SLC39A10: variants seen among roughly 807,000 people sequenced by gnomAD.
SLC39A10 encodes solute carrier family 39 member 10.
A neutral mutation model predicts 65.1 loss-of-function variants in SLC39A10; 13 were observed. That is an observed-to-expected ratio of 0.20 (90% CI 0.13 to 0.32). The LOEUF is 0.32. SLC39A10 is among the 10% of genes least tolerant of loss of function. The pLI, the probability that SLC39A10 is intolerant of heterozygous loss-of-function variation, is 1.00. For missense variants in SLC39A10, 831 were observed against 1,018.4 expected (o/e 0.82, Z 2.50); for synonymous variants, 321 against 342.2 (o/e 0.94, Z 0.68).
intron 8 of SLC39A10, among the ~76,000 whole-genome samples, chr2:195,727,010 C>T (rs963938139): frequency 1.3e-5 from 2 of 152,086 alleles, no homozygotes; most frequent in African/African-American, 4.8e-5. Flanking sequence ...GCTTTCGACC[C>T]ATTAGCTTCA....
chr2:195,681,428 AG>A (rs1387662872), intron 2 of SLC39A10, among the ~76,000 whole-genome samples: 1 of 152,120 alleles, frequency 6.6e-6, no homozygotes, highest in East Asian at 1.9e-4. Flanking sequence ...CGGGAGGCTG[AG>A]GTGGAGAATC....
At chr2:195,636,708 G>A (rs555150427) in intron 2 of SLC39A10, among the ~76,000 whole-genome samples, 8 of 152,122 alleles carry the variant, frequency 5.3e-5, no homozygotes, top group East Asian at 1.9e-4. Flanking sequence ...AGCCTAGATC[G>A]CGCCACTGCA....
intron 8 of SLC39A10, among the ~76,000 whole-genome samples, chr2:195,720,018 G>A (rs1486089375): frequency 6.6e-6 from 1 of 152,236 alleles, no homozygotes; most frequent in East Asian, 1.9e-4. Flanking sequence ...TCGAACTCCT[G>A]ACCTCAGGTG....
chr2:195,708,526 TA>T, intron 4 of SLC39A10, 129 bp from the exon 5 acceptor site: 1 of 659,214 alleles, frequency 1.5e-6, no homozygotes, highest in Non-Finnish European at 2.4e-6. Flanking sequence ...AGATAATATC[TA>T]GGGGAGCACT....
intron 2 of SLC39A10, among the ~76,000 whole-genome samples, chr2:195,615,069 A>G (rs180816706): frequency 2.6e-5 from 4 of 152,256 alleles, no homozygotes; most frequent in Non-Finnish European, 5.9e-5. Flanking sequence ...GCAACAAAAA[A>G]AGGGAAAATA....
chr2:195,656,383 G>A (rs890002800), upstream of SLC39A10, among the ~76,000 whole-genome samples: 1 of 152,138 alleles, frequency 6.6e-6, no homozygotes, highest in African/African-American at 2.4e-5. Flanking sequence ...GAATGAGCAC[G>A]GTGTAGGCAC....
At chr2:195,624,702 C>T (rs1688426107) in intron 2 of SLC39A10, among the ~76,000 whole-genome samples, 1 of 150,132 alleles carries the variant, frequency 6.7e-6, no homozygotes, top group Admixed American at 6.6e-5. Flanking sequence ...TGGCGAAACC[C>T]CACCTCTACT....
intron 2 of SLC39A10, among the ~76,000 whole-genome samples, chr2:195,616,067 T>C (rs1688200964): frequency 6.6e-6 from 1 of 152,158 alleles, no homozygotes; most frequent in South Asian, 2.1e-4. Flanking sequence ...GCGATTCTCC[T>C]GCCTCAGCCT....
Position 195,657,642 on chromosome 2 carries a change from G to C in SLC39A10, c.-12+361G>C, listed in dbSNP as rs1025160070. The C allele has an allele frequency of 4.1e-6, 4 of 984,966 alleles. No individual in the cohort carries two copies. The African/African-American group carries it at 5.2e-5, about 13-fold the overall frequency. The allele number at this position is 984,966 out of a possible 1,614,324, so 61.0% of individuals were successfully genotyped here. A position where few individuals can be genotyped will look rare whatever the true frequency, so the allele number is the denominator to read the frequency against. On this transcript the variant is annotated intron_variant, in intron 1 of 9. Transcript: ENST00000359634. ...GAGCCTCGCGGGCCGCGCCCGGGGT[G>C]GGGGAGTGACCGCTGGGCGGGTGGC...
chr2:195,637,494 G>A (rs1688718207), intron 2 of SLC39A10, among the ~76,000 whole-genome samples: 2 of 152,192 alleles, frequency 1.3e-5, no homozygotes, highest in South Asian at 4.1e-4. Context: ...TGATGGATTA[G>A]TAATTATGCA....
chr2:195,654,748 T>C (rs1236707050), upstream of SLC39A10, among the ~76,000 whole-genome samples: 1 of 152,210 alleles, frequency 6.6e-6, no homozygotes, highest in Non-Finnish European at 1.5e-5. Flanking sequence ...AACATATTTC[T>C]TATATATAAA....
chr2:195,622,779 T>A (rs1688377525), intron 2 of SLC39A10, among the ~76,000 whole-genome samples: 1 of 152,134 alleles, frequency 6.6e-6, no homozygotes, highest in South Asian at 2.1e-4. Context: ...AAGACCAGCC[T>A]GGCCAAGATG....
intron 1 of SLC39A10, among the ~76,000 whole-genome samples, chr2:195,663,197 GTCT>G (rs1689475563): frequency 6.6e-6 from 1 of 152,108 alleles, no homozygotes; most frequent in African/African-American, 2.4e-5. Context: ...TATGTCTCAT[GTCT>G]TCTTTCCCTT....
chr2:195,629,632 C>T (rs1352707043), intron 2 of SLC39A10, among the ~76,000 whole-genome samples: 1 of 152,192 alleles, frequency 6.6e-6, no homozygotes, highest in Non-Finnish European at 1.5e-5. Flanking sequence ...AGACAGCATT[C>T]TGGAGGAGAT....
At chr2:195,660,348 A>G (rs1429489744) in intron 1 of SLC39A10, among the ~76,000 whole-genome samples, 1 of 152,154 alleles carries the variant, frequency 6.6e-6, no homozygotes, top group Non-Finnish European at 1.5e-5. Context: ...GGGAATCAAA[A>G]CAACTAGTTT....
rs117461623 is a variant in SLC39A10 at position 195,730,412 on chromosome 2, C to T, written c.2337+2063C>T. 0.018 allele frequency among the ~76,000 whole-genome samples: 2,809 copies of T among 152,264 alleles called. 219 individuals are homozygous for T. The East Asian group carries it at 0.25, about 13-fold the overall frequency. ...TGGCATGATCGCAGCTCACTACAACCTCCGCCTCTTGGGTTCAAGCAATTT... is the reference window on the plus strand; with the variant it reads ...TGGCATGATCGCAGCTCACTACAACTTCCGCCTCTTGGGTTCAAGCAATTT... On this transcript the variant is annotated intron_variant, in intron 9 of 9. Transcript: ENST00000359634.
chr2:195,631,774 CTTA>C (rs768066216), intron 2 of SLC39A10, among the ~76,000 whole-genome samples: 18 of 152,280 alleles, frequency 1.2e-4, no homozygotes, highest in Admixed American at 5.9e-4. Context: ...TGTACCATCA[CTTA>C]TTATCTTTAT....
At chr2:195,665,755 A>G (rs1178858416) in intron 1 of SLC39A10, among the ~76,000 whole-genome samples, 3 of 152,184 alleles carry the variant, frequency 2.0e-5, no homozygotes, top group Non-Finnish European at 4.4e-5. Context: ...TTATTTTGCT[A>G]TTCATTACCA....
chr2:195,696,689 G>A (rs1265190357), intron 3 of SLC39A10, among the ~76,000 whole-genome samples: 1 of 152,000 alleles, frequency 6.6e-6, no homozygotes, highest in Non-Finnish European at 1.5e-5. Flanking sequence ...GTAGCCTACT[G>A]TTGACCAGAA....
Sources: allele counts gnomAD v4.1 joint callset (sites outside exome capture counted in the v4.1 genomes callset), GRCh38; gene constraint gnomAD v4.1.1; transcripts MANE v1.5; gene names NCBI Gene and HGNC (gene_info 2026-07-23, HGNC 2026-07-21).